Variants in TBC1D22A observed in about 807,000 individuals in gnomAD.
TBC1D22A encodes putative GTPase activator.
TBC1D22A carries 38 observed loss-of-function variants against 60.2 expected under a neutral mutation model. The observed-to-expected ratio is 0.63, with a 90% CI of 0.49 to 0.83. TBC1D22A has a LOEUF of 0.83. TBC1D22A is among the 40% of genes least tolerant of loss of function. The pLI, the probability that TBC1D22A is intolerant of heterozygous loss-of-function variation, is 0.00. For missense variants in TBC1D22A, 628 were observed against 701.0 expected, an observed-to-expected ratio of 0.90 and a Z score of 1.18; for synonymous variants, 302 against 281.7, an observed-to-expected ratio of 1.07 and a Z score of -0.72.
At chr22:46,781,339 T>C (rs809032) in intron 1 of TBC1D22A, among the ~76,000 whole-genome samples, 87,713 of 151,726 alleles carry the variant, frequency 0.58, 25,467 homozygotes, top group Middle Eastern at 0.67. Context: ...CCATGCCTGG[T>C]TAATTTTTAT....
Position 46,990,011 on chromosome 22 carries a change from C to T in TBC1D22A, c.1126-7623C>T, listed in dbSNP as rs550481188. ...TAGAGATGGGGTTTTGCCATGTTTT[C>T]CAGACTGGTCTTGAACTCCTGGGCT... On this transcript the variant is annotated intron_variant, in intron 9 of 12. Transcript: ENST00000337137. This position sits in a 1 kb window ranked among gnomAD's most constrained non-coding sequence, Gnocchi z 4.6. Among the ~76,000 whole-genome samples the T allele has an allele frequency of 3.3e-4, 51 of 152,270 alleles. No individual in the cohort carries two copies. The highest frequency in any genetic ancestry group is 9.8e-4 in the Admixed American group (15 of 15,296).
chr22:46,792,735 T>C (rs1253676738), intron 2 of TBC1D22A, 159 bp downstream of exon 2: 1 of 1,528,906 alleles, frequency 6.5e-7, no homozygotes, highest in African/African-American at 1.4e-5. Context: ...TTGTGTGAGA[T>C]ACTGTGCACC....
At position 47,064,279 on chromosome 22, in the gene TBC1D22A, C is replaced by T. The variant is rs143987393; in HGVS notation, c.1329+27081C>T. Reference sequence around the variant, plus strand: ...AGGCCAGTGCAAGCTGCTCAGTTCCCGGGCAGCGGTGCCGGGCGGTCATGC... The same window carrying T: ...AGGCCAGTGCAAGCTGCTCAGTTCCTGGGCAGCGGTGCCGGGCGGTCATGC... On this transcript the variant is annotated intron_variant, in intron 11 of 12. Coordinates refer to ENST00000337137, the MANE Select transcript of TBC1D22A (RefSeq NM_014346.5). Among the ~76,000 whole-genome samples, 534 of 152,362 alleles carry T rather than the reference C, an allele frequency of 3.5e-3. 2 individuals are homozygous for T. Among genetic ancestry groups the T allele is most frequent in the Middle Eastern group, 0.014 (4 of 294 alleles).
intron 12 of TBC1D22A, among the ~76,000 whole-genome samples, chr22:47,154,032 G>A (rs2067611315): frequency 6.6e-6 from 1 of 152,148 alleles, no homozygotes; most frequent in South Asian, 2.1e-4. Flanking sequence ...AGAGTAGGAG[G>A]AGATGTGAGT....
chr22:46,998,253 C>T (rs2075187492), intron 10 of TBC1D22A, among the ~76,000 whole-genome samples: 1 of 152,126 alleles, frequency 6.6e-6, no homozygotes, highest in African/African-American at 2.4e-5. Flanking sequence ...GATGTGCTGA[C>T]TGTCATATTA....
chr22:47,017,399 G>C (rs1321495979), intron 10 of TBC1D22A, among the ~76,000 whole-genome samples: 2 of 152,312 alleles, frequency 1.3e-5, no homozygotes, highest in East Asian at 3.9e-4. Flanking sequence ...TCTGAGATGG[G>C]GTTGGGAGAT....
At chr22:47,018,288 G>A (rs2061970027) in intron 10 of TBC1D22A, among the ~76,000 whole-genome samples, 3 of 152,050 alleles carry the variant, frequency 2.0e-5, no homozygotes, top group Admixed American at 6.5e-5. Flanking sequence ...GGATGCGTGT[G>A]GATCTGTGCC....
At chr22:47,097,447 C>G (rs1409727292) in intron 11 of TBC1D22A, among the ~76,000 whole-genome samples, 1 of 152,062 alleles carries the variant, frequency 6.6e-6, no homozygotes, top group Non-Finnish European at 1.5e-5. Flanking sequence ...AACCCCATCT[C>G]TACTAAAAAT....
chr22:46,827,074 G>A (rs1044396273), intron 4 of TBC1D22A, among the ~76,000 whole-genome samples: 2 of 151,986 alleles, frequency 1.3e-5, no homozygotes, highest in Non-Finnish European at 2.9e-5. Context: ...CTTTGTGCCT[G>A]GAAAGCAAAT....
At chr22:47,032,763 G>A (rs1403487291) in intron 10 of TBC1D22A, among the ~76,000 whole-genome samples, 2 of 152,188 alleles carry the variant, frequency 1.3e-5, no homozygotes, top group African/African-American at 2.4e-5. Flanking sequence ...TTATCTCCAC[G>A]GCAGAGCTTC....
At chr22:47,059,010 A>G (rs16996267) in intron 11 of TBC1D22A, among the ~76,000 whole-genome samples, 7,929 of 152,122 alleles carry the variant, frequency 0.052, 639 homozygotes, top group African/African-American at 0.17. Context: ...CCTGCGCTGG[A>G]CACTCTACAC....
intron 8 of TBC1D22A, among the ~76,000 whole-genome samples, chr22:46,969,133 C>T (rs1161501509): frequency 1.3e-5 from 2 of 152,168 alleles, no homozygotes; most frequent in Non-Finnish European, 2.9e-5. Flanking sequence ...TACCACCACC[C>T]GTGGGATCTT....
intron 11 of TBC1D22A, among the ~76,000 whole-genome samples, chr22:47,062,087 CAAAAA>C (rs908701365): frequency 2.9e-4 from 18 of 63,006 alleles, no homozygotes; most frequent in South Asian, 1.6e-3. Flanking sequence ...GACTCCATCT[CAAAAA>C]AAAAAAAAAA....
At chr22:46,966,466 C>T (rs2148084522) in intron 8 of TBC1D22A, among the ~76,000 whole-genome samples, 1 of 152,354 alleles carries the variant, frequency 6.6e-6, no homozygotes, top group East Asian at 1.9e-4. Flanking sequence ...CCCACAGTTT[C>T]TCACACATAG....
intron 10 of TBC1D22A, among the ~76,000 whole-genome samples, chr22:47,029,893 T>A (rs2062408559): frequency 6.6e-6 from 1 of 152,258 alleles, no homozygotes; most frequent in Admixed American, 6.5e-5. Context: ...GGGCCGGGGC[T>A]GCTGCTCGTC....
At chr22:47,136,281 C>G (rs907113441) in intron 12 of TBC1D22A, among the ~76,000 whole-genome samples, 9 of 152,238 alleles carry the variant, frequency 5.9e-5, no homozygotes, top group African/African-American at 2.2e-4. Flanking sequence ...CAGGTCCCCA[C>G]AGCCCCTTTG....
chr22:46,994,197 CTG>C (rs1188412371), intron 9 of TBC1D22A, among the ~76,000 whole-genome samples: 1 of 152,156 alleles, frequency 6.6e-6, no homozygotes, highest in Non-Finnish European at 1.5e-5. Flanking sequence ...TAAAACAAAA[CTG>C]TGCCAGATGG....
At position 46,766,777 on chromosome 22, in the gene TBC1D22A, C is replaced by T. The variant is rs571201799; in HGVS notation, c.62+3929C>T. 5.3e-5 allele frequency among the ~76,000 whole-genome samples: 8 copies of T among 152,268 alleles called. No homozygotes were observed. The East Asian group carries it at 1.5e-3, about 29-fold the overall frequency. On this transcript the variant is annotated intron_variant, in intron 1 of 12. Coordinates refer to ENST00000337137, the MANE Select transcript of TBC1D22A (RefSeq NM_014346.5). The stretch of plus-strand genomic sequence containing the variant: ...GGTCTCGATCTCTTGACCTCATGAT[C>T]CGCCCGCCTTGGCCTCCCCAAGTGC...
rs1292188908 is a variant in TBC1D22A at position 46,875,359 on chromosome 22, G to T, written c.638-3294G>T. ...CAGGCAAGTCCCGTCTATGGTGATA[G>T]ATACCAGAAGGCAGTTAACTGGGAG... is the stretch of plus-strand genomic sequence containing the variant. On this transcript the variant is annotated intron_variant, in intron 4 of 12. Coordinates refer to ENST00000337137, the MANE Select transcript of TBC1D22A (RefSeq NM_014346.5). Among the ~76,000 whole-genome samples the T allele has an allele frequency of 2.6e-5, 4 of 152,320 alleles. No homozygotes were observed. In the East Asian group the frequency reaches 7.7e-4, roughly 29 times the overall value.
Sources: gnomAD v4.1 joint callset for allele counts (sites outside exome capture counted in the v4.1 genomes callset) on GRCh38, gnomAD v4.1.1 for gene constraint, Gnocchi (gnomAD v3.1) non-coding constraint, MANE v1.5 for transcripts, NCBI Gene and HGNC (gene_info 2026-07-23, HGNC 2026-07-21) for gene names.